The following ARFGEF1 variants were observed in gnomAD, a reference collection of about 807,000 sequenced individuals.
ARFGEF1 encodes the protein ARF guanine nucleotide exchange factor 1, also known as brefeldin A-inhibited guanine nucleotide-exchange protein 1.
A neutral mutation model predicts 231.0 loss-of-function variants in ARFGEF1; 42 were observed. That is an observed-to-expected ratio of 0.18 (90% confidence interval 0.14 to 0.24). The LOEUF is 0.24. Ranked by LOEUF, ARFGEF1 falls within the 10% of genes least tolerant of loss-of-function variation. The pLI, the probability that ARFGEF1 is intolerant of heterozygous loss-of-function variation, is 1.00. For missense variants in ARFGEF1, 1,345 were observed against 2,192.0 expected, an observed-to-expected ratio of 0.61 and a Z score of 7.72; for synonymous variants, 710 against 732.3, an observed-to-expected ratio of 0.97 and a Z score of 0.49.
chr8:67,190,009 A>G (rs900845305), intron 5 of ARFGEF1, among the ~76,000 whole-genome samples: 1 of 152,214 alleles, frequency 6.6e-6, no homozygotes, highest in African/African-American at 2.4e-5. Context: ...TGTAAAATGT[A>G]AACAGGTTGG....
Position 67,226,184 on chromosome 8 carries a change from C to T in ARFGEF1, c.3917-1G>A. 1 of 1,580,006 alleles carries T rather than the reference C, an allele frequency of 6.3e-7. No homozygotes were observed. Among genetic ancestry groups the T allele is most frequent in the South Asian group, 1.2e-5 (1 of 84,422 alleles). ...GGAAAGTGTTTTTCAAATACAAGGG[C>T]TAAAATAGAGAAAAATATATATTAC... On this transcript the variant is annotated splice_acceptor_variant, in intron 27 of 38. Coordinates refer to ENST00000262215, the MANE Select transcript of ARFGEF1 (RefSeq NM_006421.5). LOFTEE classifies it high-confidence loss of function.
chr8:67,206,410 TAAAAAAAAAAAA>T (rs747164390), intron 34 of ARFGEF1, among the ~76,000 whole-genome samples: 2 of 102,048 alleles, frequency 2.0e-5, no homozygotes, highest in Non-Finnish European at 4.0e-5. Context: ...ATTTTATCTT[TAAAAAAAAAAAA>T]AAAAAAAAAA....
chr8:67,323,705 T>G (rs905098776), intron 1 of ARFGEF1, among the ~76,000 whole-genome samples: 1 of 152,210 alleles, frequency 6.6e-6, no homozygotes, highest in Non-Finnish European at 1.5e-5. Context: ...CTTTCCATAT[T>G]CAGTGCCTCA....
At chr8:67,340,611 T>C (rs979842649) in intron 1 of ARFGEF1, among the ~76,000 whole-genome samples, 30 of 152,236 alleles carry the variant, frequency 2.0e-4, no homozygotes, top group Admixed American at 1.1e-3. Context: ...GTGATGTAGA[T>C]AGACTGCAAG....
intron 1 of ARFGEF1, among the ~76,000 whole-genome samples, chr8:67,308,953 AT>A (rs1345121206): frequency 6.6e-6 from 1 of 152,186 alleles, no homozygotes; most frequent in East Asian, 1.9e-4. Context: ...TATATAATGC[AT>A]TATTATTTAT....
rs763477351 is a variant in ARFGEF1 at position 67,238,507 on chromosome 8, A to T, written c.3139-14T>A. The T allele has an allele frequency of 6.3e-7, 1 of 1,583,126 alleles. No homozygotes were observed. Among genetic ancestry groups the T allele is most frequent in the East Asian group, 2.2e-5 (1 of 44,680 alleles). On this transcript the variant is annotated splice_polypyrimidine_tract_variant and intron_variant, in intron 21 of 38. Coordinates refer to ENST00000262215, the MANE Select transcript of ARFGEF1 (RefSeq NM_006421.5). ...GCACTTCAGAATCTTAATTACAAAA[A>T]GGAAAAAAATGTTAAATTCCATGTT...
At chr8:67,310,200 C>T (rs1219171650) in intron 1 of ARFGEF1, among the ~76,000 whole-genome samples, 1 of 152,170 alleles carries the variant, frequency 6.6e-6, no homozygotes, top group Non-Finnish European at 1.5e-5. Flanking sequence ...CTCACTGCAA[C>T]CTCCCTGCCT....
downstream of ARFGEF1, among the ~76,000 whole-genome samples, chr8:67,194,760 T>TAA (rs936214709): frequency 6.6e-6 from 1 of 150,750 alleles, no homozygotes; most frequent in Non-Finnish European, 1.5e-5. Context: ...TAATAATAAA[T>TAA]AAAAGTAAAA....
chr8:67,295,111 GATATAA>G (rs1323418729), intron 5 of ARFGEF1, among the ~76,000 whole-genome samples: 1 of 152,064 alleles, frequency 6.6e-6, no homozygotes, highest in Non-Finnish European at 1.5e-5. Context: ...ATTACAGATT[GATATAA>G]ATAAATAAAT....
intron 30 of ARFGEF1, 70 bp from the exon 31 acceptor site, chr8:67,218,208 ATAT>A (rs367937768): frequency 0.031 from 2,517 of 81,106 alleles, 45 homozygotes; most frequent in Non-Finnish European, 0.038. Flanking sequence ...AAAAAAAAAA[ATAT>A]ATATATATAT....
intron 33 of ARFGEF1, among the ~76,000 whole-genome samples, chr8:67,213,705 A>C (rs1838828355): frequency 6.6e-6 from 1 of 152,190 alleles, no homozygotes; most frequent in Non-Finnish European, 1.5e-5. Context: ...TATCTTCAAT[A>C]ATCTAGATGG....
Position 67,343,407 on chromosome 8 carries a change from G to C in ARFGEF1, c.-120C>G, listed in dbSNP as rs1191859303. 3 of 1,458,218 alleles carry C rather than the reference G, an allele frequency of 2.1e-6. No individual in the cohort carries two copies. The highest frequency in any genetic ancestry group is 2.7e-6 in the Non-Finnish European group (3 of 1,101,674). The allele number at this position is 1,458,218 out of a possible 1,614,324, so 90.3% of individuals were successfully genotyped here. On this transcript the variant is annotated 5_prime_UTR_variant, in exon 1 of 39. Coordinates refer to ENST00000262215, the MANE Select transcript of ARFGEF1 (RefSeq NM_006421.5). The stretch of plus-strand genomic sequence containing the variant: ...GAGGGGGTGGAGGTGGGGGATTGGA[G>C]GCGTGGAGGGCAGCGGCAGGATCAG...
chr8:67,339,799 G>GGGGGC (rs1229020635), intron 1 of ARFGEF1, among the ~76,000 whole-genome samples: 2 of 84,052 alleles, frequency 2.4e-5, no homozygotes, highest in African/African-American at 8.4e-5. Flanking sequence ...GTGGGGCGGG[G>GGGGGC]GGGGGGATTC....
chr8:67,270,715 A>G (rs1444795416), intron 10 of ARFGEF1, among the ~76,000 whole-genome samples: 2 of 27,698 alleles, frequency 7.2e-5, no homozygotes, highest in South Asian at 2.0e-3. Context: ...GGTACACCTT[A>G]AAAAAAAAAA....
chr8:67,331,911 C>A (rs772935349), intron 1 of ARFGEF1, among the ~76,000 whole-genome samples: 3 of 152,132 alleles, frequency 2.0e-5, no homozygotes, highest in Non-Finnish European at 4.4e-5. Context: ...TGACCACACT[C>A]TAATCCAACA....
In ARFGEF1 at chr8:67,227,609, G is replaced by A. The variant is rs750513309; in HGVS notation, c.3592-11C>T. On this transcript the variant is annotated splice_polypyrimidine_tract_variant and intron_variant, in intron 25 of 38. Coordinates refer to ENST00000262215, the MANE Select transcript of ARFGEF1 (RefSeq NM_006421.5). ...AGGATTACACCCAACCTGTAATGGCGACAGAAATAAACGATGCTAATTAAT... is the reference window on the plus strand; with the variant it reads ...AGGATTACACCCAACCTGTAATGGCAACAGAAATAAACGATGCTAATTAAT... The A allele has an allele frequency of 3.7e-6, 6 of 1,608,632 alleles. No homozygotes were observed. Among genetic ancestry groups the A allele is most frequent in the Middle Eastern group, 3.3e-4 (2 of 6,040 alleles).
rs1374468030 is a variant in ARFGEF1 at position 67,218,201 on chromosome 8, A to ATATATATATATATAT, written c.4339-64_4339-63insATATATATATATATA. The ATATATATATATATAT allele has an allele frequency of 3.9e-5, 7 of 180,438 alleles. No individual in the cohort carries two copies. In the African/African-American group the frequency reaches 4.3e-4, roughly 11 times the overall value. 11.2% of individuals were successfully genotyped at this position (180,438 alleles called of 1,614,324 possible). ...ATCAACTACTATGATTAAAAAAAAA[A>ATATATATATATATAT]AAAAAAATATATATATATATATATA... On this transcript the variant is annotated intron_variant, in intron 30 of 38. Coordinates refer to ENST00000262215, the MANE Select transcript of ARFGEF1 (RefSeq NM_006421.5).
At chr8:67,188,831 G>C (rs1282693645) in intron 5 of ARFGEF1, among the ~76,000 whole-genome samples, 1 of 152,144 alleles carries the variant, frequency 6.6e-6, no homozygotes, top group Non-Finnish European at 1.5e-5. Context: ...TGTCCTAATC[G>C]AGCTGAACAC....
At chr8:67,311,188 G>T (rs1412113346) in intron 1 of ARFGEF1, among the ~76,000 whole-genome samples, 2 of 148,336 alleles carry the variant, frequency 1.3e-5, no homozygotes, top group Non-Finnish European at 3.0e-5. Flanking sequence ...CCCCCACTGG[G>T]AAGTGAGGAG....
Sources: allele counts gnomAD v4.1 joint callset (sites outside exome capture counted in the v4.1 genomes callset), GRCh38; gene constraint gnomAD v4.1.1; transcripts MANE v1.5; gene names NCBI Gene and HGNC (gene_info 2026-07-23, HGNC 2026-07-21).